The following HSPA2 variants were observed in gnomAD, a reference collection of about 807,000 sequenced individuals.
HSPA2 encodes heat shock-related 70 kDa protein 2.
A neutral mutation model predicts 35.0 loss-of-function variants in HSPA2; 13 were observed. The observed-to-expected ratio is 0.37, with a 90% CI of 0.24 to 0.59. The LOEUF (loss-of-function observed/expected upper bound fraction) is 0.59, where lower values mean the gene tolerates loss of function less well. HSPA2 is among the 20% of genes least tolerant of loss of function. HSPA2 has a pLI of 0.70. For synonymous variants in HSPA2, 368 were observed against 382.1 expected (o/e 0.96, Z 0.43); for missense variants, 565 against 885.4 (o/e 0.64, Z 4.59).
Position 64,542,329 on chromosome 14 carries a change from G to T in HSPA2, c.1480G>T (p.Ala494Ser). The T allele has an allele frequency of 6.2e-7, 1 of 1,613,688 alleles. No individual in the cohort carries two copies. The highest frequency in any genetic ancestry group is 8.5e-7 in the Non-Finnish European group (1 of 1,179,870). Residue 494 changes from alanine (A) to serine (S), a missense_variant, in exon 1 of 1, where the codon GCC becomes TCC. Physicochemically the swap from Ala to Ser is moderately conservative, Grantham distance 99 (BLOSUM62 1). This residue lies in a region of HSPA2 where 234 missense variants were observed against 419.0 expected (regional missense o/e 0.56). Transcript: ENST00000247207. This position sits in a 1 kb window ranked among gnomAD's most constrained non-coding sequence, Gnocchi z 5.7. Reference protein sequence around the residue: ...DANGILNVTAADKSTGKENKI... With the variant: ...DANGILNVTASDKSTGKENKI... ...CAATGGCATCCTTAACGTTACCGCC[G>T]CCGACAAGAGCACCGGTAAGGAAAA...
Position 64,542,376 on chromosome 14 carries a change from C to G in HSPA2, c.1527C>G (p.Asp509Glu). The G allele has an allele frequency of 6.2e-7, 1 of 1,613,856 alleles. No individual in the cohort carries two copies. Among genetic ancestry groups the G allele is most frequent in the Non-Finnish European group, 8.5e-7 (1 of 1,179,914 alleles). The change falls in exon 1 of 1, where the codon GAC becomes GAG. Residue 509 changes from aspartate to glutamate, a missense_variant. Transcript: ENST00000247207. The surrounding 1 kb of genome is among the most constrained non-coding windows in gnomAD (Gnocchi z 5.7). ...AAAACAAAATCACCATCACCAATGACAAAGGTCGTCTGAGCAAGGACGACA... is the reference window on the plus strand; with the variant it reads ...AAAACAAAATCACCATCACCAATGAGAAAGGTCGTCTGAGCAAGGACGACA... Reference protein sequence around the residue: ...GKENKITITNDKGRLSKDDID... With the variant: ...GKENKITITNEKGRLSKDDID...
chr14:64,542,878 T>A lies in HSPA2; in HGVS notation c.*109T>A, dbSNP rs142519795. On this transcript the variant is annotated 3_prime_UTR_variant, in exon 1 of 1. Transcript: ENST00000247207. This position sits in a 1 kb window ranked among gnomAD's most constrained non-coding sequence, Gnocchi z 5.7. ...CAAGTACGAGATCTATTGTTGGAAG[T>A]CTTTGGTATATGCAAATGAAAGGAG... The A allele has an allele frequency of 6.5e-5, 94 of 1,442,828 alleles. No homozygotes were observed. In the African/African-American group the frequency reaches 1.2e-3, roughly 18 times the overall value. 89.4% of individuals were successfully genotyped at this position (1,442,828 alleles called of 1,614,324 possible).
upstream of HSPA2, among the ~76,000 whole-genome samples, chr14:64,538,390 T>C (rs1214471532): frequency 6.6e-6 from 1 of 152,204 alleles, no homozygotes; most frequent in Non-Finnish European, 1.5e-5. Context: ...AGCTCTGAGA[T>C]GTATCCTATC....
In HSPA2 at chr14:64,541,779, C is replaced by G. The variant is rs757222948; in HGVS notation, c.930C>G (p.Ala310=). 1 of 1,613,300 alleles carries G rather than the reference C, an allele frequency of 6.2e-7. No individual in the cohort carries two copies. ...ITRARFEELN[A]DLFRGTLEPV... ...GCGCCCGCTTCGAGGAGCTCAATGC[C>G]GACCTCTTTCGCGGGACCCTGGAGC... Residue 310 remains alanine (A), a synonymous_variant, in exon 1 of 1, where the codon GCC becomes GCG. Coordinates refer to ENST00000247207, the MANE Select transcript of HSPA2 (RefSeq NM_021979.4).
At chr14:64,540,720 G>A (rs2080020714), upstream of HSPA2, 2 of 1,402,924 alleles carry the variant, frequency 1.4e-6, no homozygotes, top group South Asian at 2.8e-5. Flanking sequence ...TATAAGAACC[G>A]GGAACTGGGC....
Position 64,542,390 on chromosome 14 carries a change from G to A in HSPA2, c.1541G>A (p.Ser514Asn). Residue 514 changes from serine (S) to asparagine (N), a missense_variant, in exon 1 of 1, where the codon AGC becomes AAC. Transcript: ENST00000247207. This position sits in a 1 kb window ranked among gnomAD's most constrained non-coding sequence, Gnocchi z 5.7. The stretch of plus-strand genomic sequence containing the variant: ...ATCACCAATGACAAAGGTCGTCTGA[G>A]CAAGGACGACATTGACCGGATGGTG... ...ITITNDKGRL[S>N]KDDIDRMVQE... 6.2e-7 allele frequency: 1 copy of A among 1,613,844 alleles called. No individual in the cohort carries two copies. The highest frequency in any genetic ancestry group is 8.5e-7 in the Non-Finnish European group (1 of 1,179,926).
chr14:64,538,905 T>G (rs747882357), upstream of HSPA2, among the ~76,000 whole-genome samples: 7 of 152,312 alleles, frequency 4.6e-5, no homozygotes, highest in Non-Finnish European at 8.8e-5. Flanking sequence ...TGTCGCAATC[T>G]CGACTGACTG....
chr14:64,541,760 G>A lies in HSPA2; in HGVS notation c.911G>A (p.Arg304His), dbSNP rs1183391062. ...TTCTATACGTCCATCACGCGCGCCC[G>A]CTTCGAGGAGCTCAATGCCGACCTC... ...VDFYTSITRA[R>H]FEELNADLFR... is the part of the protein sequence containing the mutation. Residue 304 changes from arginine (R) to histidine (H), a missense_variant, in exon 1 of 1, where the codon CGC becomes CAC. Coordinates refer to ENST00000247207, the MANE Select transcript of HSPA2 (RefSeq NM_021979.4). 1.9e-6 allele frequency: 3 copies of A among 1,612,604 alleles called. No individual in the cohort carries two copies. Among genetic ancestry groups the A allele is most frequent in the Non-Finnish European group, 2.5e-6 (3 of 1,179,822 alleles).
At position 64,541,716 on chromosome 14, in the gene HSPA2, G is replaced by T; in HGVS notation, c.867G>T (p.Ser289=). 1.2e-6 allele frequency: 2 copies of T among 1,611,672 alleles called. No individual in the cohort carries two copies. Among genetic ancestry groups the T allele is most frequent in the Non-Finnish European group, 1.7e-6 (2 of 1,179,428 alleles). Residue 289 remains serine, a synonymous_variant, in exon 1 of 1, where the codon TCG becomes TCT. Coordinates refer to ENST00000247207, the MANE Select transcript of HSPA2 (RefSeq NM_021979.4). ...CGCAGGCGAGCATCGAGATCGACTC[G>T]CTCTACGAGGGCGTGGACTTCTATA... ...SSTQASIEID[S]LYEGVDFYTS... is the part of the protein sequence containing the mutation.
rs2080027735 is a variant in HSPA2 at position 64,541,249 on chromosome 14, G to T, written c.400G>T (p.Ala134Ser). 2 of 1,613,934 alleles carry T rather than the reference G, an allele frequency of 1.2e-6. No homozygotes were observed. The highest frequency in any genetic ancestry group is 1.7e-6 in the Non-Finnish European group (2 of 1,180,044). ...CACGAAGATGAAGGAGATCGCGGAA[G>T]CCTACCTGGGGGGCAAGGTGCACAG... ...VLTKMKEIAE[A>S]YLGGKVHSAV... The change falls in exon 1 of 1, where the codon GCC becomes TCC. Residue 134 changes from alanine (A) to serine (S), a missense_variant. Ala to Ser is a moderately conservative substitution (Grantham distance 99). Around this residue, in one of 4 missense-constraint regions of HSPA2, gnomAD observed 183 missense variants for 281.6 expected, o/e 0.65. Transcript: ENST00000247207.
chr14:64,537,498 C>T (rs1257641613), upstream of HSPA2, among the ~76,000 whole-genome samples: 4 of 151,578 alleles, frequency 2.6e-5, no homozygotes, highest in Admixed American at 6.6e-5. Flanking sequence ...GGCTGAGGCA[C>T]GACAATCTCT....
chr14:64,540,466 A>G (rs1471753594), upstream of HSPA2: 3 of 260,382 alleles, frequency 1.2e-5, no homozygotes, highest in African/African-American at 2.3e-5. Flanking sequence ...GCCTAACGCC[A>G]GCCAGCAGCA....
At chr14:64,538,508 A>T (rs568112477), upstream of HSPA2, among the ~76,000 whole-genome samples, 16 of 152,286 alleles carry the variant, frequency 1.1e-4, no homozygotes, top group South Asian at 3.3e-3. Context: ...GCCCATACAC[A>T]ACCTATGTAA....
In HSPA2 at chr14:64,541,203, G is replaced by A. The variant is rs2080027310; in HGVS notation, c.354G>A (p.Glu118=). ...GGGAGACCAAGACCTTCTTCCCAGAGGAGATATCCTCCATGGTCCTCACGA... is the reference window on the plus strand; with the variant it reads ...GGGAGACCAAGACCTTCTTCCCAGAAGAGATATCCTCCATGGTCCTCACGA... ...YKGETKTFFP[E]EISSMVLTKM... The change falls in exon 1 of 1, where the codon GAG becomes GAA. Residue 118 remains glutamate (E), a synonymous_variant. Transcript: ENST00000247207. 1 of 1,614,122 alleles carries A rather than the reference G, an allele frequency of 6.2e-7. No individual in the cohort carries two copies. Among genetic ancestry groups the A allele is most frequent in the African/African-American group, 1.3e-5 (1 of 75,036 alleles).
chr14:64,542,508 G>A lies in HSPA2; in HGVS notation c.1659G>A (p.Lys553=), dbSNP rs45545942. The change falls in exon 1 of 1, where the codon AAG becomes AAA. Residue 553 remains lysine, a synonymous_variant. Transcript: ENST00000247207. The surrounding 1 kb of genome is among the most constrained non-coding windows in gnomAD (Gnocchi z 5.7). Reference sequence around the variant, plus strand: ...TGGAGTCCTATACCTACAACATCAAGCAGACGGTGGAAGACGAGAAACTGA... The same window carrying A: ...TGGAGTCCTATACCTACAACATCAAACAGACGGTGGAAGACGAGAAACTGA... The part of the protein sequence containing the change: ...NALESYTYNI[K]QTVEDEKLRG... 3.5e-3 allele frequency: 5,721 copies of A among 1,613,384 alleles called. 173 individuals carry two copies. The African/African-American group carries it at 0.067, about 19-fold the overall frequency.
At chr14:64,540,062 C>G (rs2080012397), upstream of HSPA2, among the ~76,000 whole-genome samples, 2 of 152,132 alleles carry the variant, frequency 1.3e-5, no homozygotes, top group South Asian at 4.2e-4. Context: ...GGCCGACCGC[C>G]GGTTCAGACT....
Position 64,541,705 on chromosome 14 carries a change from G to T in HSPA2, c.856G>T (p.Glu286Ter). Residue 286 changes from glutamate to a stop codon, truncating the protein, a stop_gained, in exon 1 of 1, where the codon GAG (glutamate) becomes TAG (stop). Coordinates refer to ENST00000247207, the MANE Select transcript of HSPA2 (RefSeq NM_021979.4). LOFTEE classifies it high-confidence loss of function. ...GAGCTCGTCCACGCAGGCGAGCATCGAGATCGACTCGCTCTACGAGGGCGT... is the reference window on the plus strand; with the variant it reads ...GAGCTCGTCCACGCAGGCGAGCATCTAGATCGACTCGCTCTACGAGGGCGT... ...TLSSSTQASI[E>*]IDSLYEGVDF... 1 of 1,611,912 alleles carries T rather than the reference G, an allele frequency of 6.2e-7. No individual in the cohort carries two copies. Among genetic ancestry groups the T allele is most frequent in the African/African-American group, 1.3e-5 (1 of 75,058 alleles).
upstream of HSPA2, among the ~76,000 whole-genome samples, chr14:64,539,354 G>A (rs184924833): frequency 2.0e-5 from 3 of 152,148 alleles, no homozygotes; most frequent in East Asian, 3.8e-4. Flanking sequence ...CAGGGTGACC[G>A]AGACTGGGTG....
rs1356802648 is a variant in HSPA2, at chr14:64,542,848, T to C, written c.*79T>C. Reference sequence around the variant, plus strand: ...TTTGTTTGTTTCTTTGAAATGTCCTTGTGCCAAGTACGAGATCTATTGTTG... The same window carrying C: ...TTTGTTTGTTTCTTTGAAATGTCCTCGTGCCAAGTACGAGATCTATTGTTG... On this transcript the variant is annotated 3_prime_UTR_variant, in exon 1 of 1. Transcript: ENST00000247207. The surrounding 1 kb of genome is among the most constrained non-coding windows in gnomAD (Gnocchi z 5.7). 1 of 1,483,018 alleles carries C rather than the reference T, an allele frequency of 6.7e-7. No individual in the cohort carries two copies. The highest frequency in any genetic ancestry group is 1.4e-5 in the South Asian group (1 of 70,914). 91.9% of individuals were successfully genotyped at this position (1,483,018 alleles called of 1,614,324 possible).
Sources: gnomAD v4.1 joint callset for allele counts (sites outside exome capture counted in the v4.1 genomes callset) on GRCh38, gnomAD v4.1.1 for gene constraint, gnomAD v4.1.1 regional missense constraint, Gnocchi (gnomAD v3.1) non-coding constraint, MANE v1.5 for transcripts, NCBI Gene and HGNC (gene_info 2026-07-23, HGNC 2026-07-21) for gene names.